TFCP2: variants seen among roughly 807,000 people sequenced by gnomAD.
TFCP2 encodes alpha-globin transcription factor CP2.
TFCP2 carries 33 observed loss-of-function variants against 73.4 expected under a neutral mutation model. That is an observed-to-expected ratio of 0.45 (90% CI 0.34 to 0.60). The LOEUF (loss-of-function observed/expected upper bound fraction) is 0.60, where lower values mean the gene tolerates loss of function less well. TFCP2 is among the 20% of genes least tolerant of loss of function. The probability of loss-of-function intolerance (pLI) is 0.01; values close to 1 mark genes in which losing one functional copy is unlikely to be tolerated. For missense variants in TFCP2, 352 were observed against 604.0 expected, an observed-to-expected ratio of 0.58 and a Z score of 4.37; for synonymous variants, 193 against 211.6, an observed-to-expected ratio of 0.91 and a Z score of 0.76.
At chr12:51,154,522 C>T (rs1004572989) in intron 1 of TFCP2, among the ~76,000 whole-genome samples, 1 of 152,116 alleles carries the variant, frequency 6.6e-6, no homozygotes, top group Admixed American at 6.6e-5. Context: ...GATAAAATCT[C>T]ATCTCTATTA....
chr12:51,096,551 C>T (rs55864652), intron 13 of TFCP2, among the ~76,000 whole-genome samples: 21,699 of 152,196 alleles, frequency 0.14, 1,864 homozygotes, highest in East Asian at 0.44. Flanking sequence ...CGAAGGTGAA[C>T]GCTAATAACT....
chr12:51,118,528 C>G, intron 2 of TFCP2, 93 bp downstream of exon 2: 1 of 1,473,706 alleles, frequency 6.8e-7, no homozygotes, highest in East Asian at 2.3e-5. Context: ...ACACTCCAGC[C>G]TGGGTGACGC....
chr12:51,130,987 C>CA (rs563635538), intron 1 of TFCP2, among the ~76,000 whole-genome samples: 16 of 136,156 alleles, frequency 1.2e-4, no homozygotes, highest in African/African-American at 2.7e-4. Flanking sequence ...GACTCCATCT[C>CA]AAAAAAAAAA....
At chr12:51,147,920 A>G (rs953875652) in intron 1 of TFCP2, among the ~76,000 whole-genome samples, 1 of 152,222 alleles carries the variant, frequency 6.6e-6, no homozygotes, top group African/African-American at 2.4e-5. Context: ...AGAATCCACA[A>G]GGAACTCAAA....
intron 1 of TFCP2, among the ~76,000 whole-genome samples, chr12:51,145,393 AAAATAC>A (rs200935807): frequency 6.9e-6 from 1 of 144,256 alleles, no homozygotes; most frequent in African/African-American, 2.5e-5. Flanking sequence ...GAAAAAAAAA[AAAATAC>A]AAATACAAAT....
chr12:51,098,637 A>T (rs1206954014), intron 13 of TFCP2, 139 bp downstream of exon 13: 5 of 993,504 alleles, frequency 5.0e-6, no homozygotes, highest in Non-Finnish European at 7.2e-6. Flanking sequence ...AAAAAAAAAA[A>T]TTAGGAGGAA....
intron 1 of TFCP2, among the ~76,000 whole-genome samples, chr12:51,152,481 T>C (rs193111215): frequency 3.9e-5 from 6 of 152,326 alleles, no homozygotes; most frequent in African/African-American, 1.2e-4. Flanking sequence ...GGTCTATAGA[T>C]TATAGCATTG....
At chr12:51,127,240 A>G (rs2136997497) in intron 1 of TFCP2, among the ~76,000 whole-genome samples, 1 of 152,336 alleles carries the variant, frequency 6.6e-6, no homozygotes, top group Non-Finnish European at 1.5e-5. Flanking sequence ...GACTCTGAGA[A>G]CAGGCTTCAA....
Position 51,098,852 on chromosome 12 carries a change from AAAAGCT to A in TFCP2, c.1337_1342del (p.Gln446_Phe448delinsLeu), listed in dbSNP as rs1303953363. The A allele has an allele frequency of 1.5e-5, 25 of 1,614,174 alleles. No individual in the cohort carries two copies. Among genetic ancestry groups the A allele is most frequent in the Admixed American group, 6.7e-5 (4 of 60,010 alleles). ...GCTGATCTGGCAAGGGGAAATGCTG[AAAAGCT>A]GAGCAATTTTTTCTGTCAATTCAAC... On this transcript the variant is annotated inframe_deletion, in exon 13 of 15. Coordinates refer to ENST00000257915, the MANE Select transcript of TFCP2 (RefSeq NM_005653.5).
chr12:51,170,630 T>C (rs1302491528), intron 1 of TFCP2, among the ~76,000 whole-genome samples: 1 of 152,120 alleles, frequency 6.6e-6, no homozygotes, highest in East Asian at 1.9e-4. Context: ...AATAATAGTC[T>C]TTATTATTCT....
intron 1 of TFCP2, among the ~76,000 whole-genome samples, chr12:51,138,171 G>A (rs1049463767): frequency 6.6e-6 from 1 of 152,022 alleles, no homozygotes; most frequent in Non-Finnish European, 1.5e-5. Context: ...AGATGGAGTA[G>A]CACTCTGTCG....
intron 1 of TFCP2, among the ~76,000 whole-genome samples, chr12:51,165,997 G>A (rs1335957627): frequency 6.9e-6 from 1 of 144,642 alleles, no homozygotes; most frequent in Non-Finnish European, 1.5e-5. Context: ...GGGCAACAGA[G>A]TGAGACCCCA....
chr12:51,101,905 C>A (rs768949930), intron 11 of TFCP2, 30 bp downstream of exon 11: 1 of 1,449,164 alleles, frequency 6.9e-7, no homozygotes, highest in Admixed American at 1.7e-5. Flanking sequence ...GAATCCCAAC[C>A]TTATTGATAT....
Position 51,133,122 on chromosome 12 carries a change from T to C in TFCP2, c.123-14350A>G, listed in dbSNP as rs552710079. On this transcript the variant is annotated intron_variant, in intron 1 of 14. Transcript: ENST00000257915. Reference sequence around the variant, plus strand: ...AGGAAAATATTAAGTCAACCTTAATTAGAACAGTTCTACTAAAAAAAGAAA... The same window carrying C: ...AGGAAAATATTAAGTCAACCTTAATCAGAACAGTTCTACTAAAAAAAGAAA... Among the ~76,000 whole-genome samples, 24 of 152,058 alleles carry C rather than the reference T, an allele frequency of 1.6e-4. No homozygotes were observed. The East Asian group carries it at 4.4e-3, about 28-fold the overall frequency.
chr12:51,170,103 T>C (rs1941829797), intron 1 of TFCP2, among the ~76,000 whole-genome samples: 1 of 152,210 alleles, frequency 6.6e-6, no homozygotes, highest in Non-Finnish European at 1.5e-5. Flanking sequence ...AATTGTCAAA[T>C]ATTATGTCAG....
chr12:51,164,199 C>T (rs1486511862), intron 1 of TFCP2, among the ~76,000 whole-genome samples: 1 of 152,002 alleles, frequency 6.6e-6, no homozygotes, highest in African/African-American at 2.4e-5. Flanking sequence ...AGCACGGCCC[C>T]ATTTCTCAAA....
chr12:51,172,528 T>A lies in TFCP2; in HGVS notation c.-106A>T. Reference sequence around the variant, plus strand: ...AAACCAAGAAAACTACAAACCAAGGTTTCCCACGCAGTGCCCACCAGCCAC... The same window carrying A: ...AAACCAAGAAAACTACAAACCAAGGATTCCCACGCAGTGCCCACCAGCCAC... On this transcript the variant is annotated 5_prime_UTR_variant, in exon 1 of 15. Coordinates refer to ENST00000257915, the MANE Select transcript of TFCP2 (RefSeq NM_005653.5). 1.3e-6 allele frequency: 2 copies of A among 1,520,930 alleles called. No homozygotes were observed. Among genetic ancestry groups the A allele is most frequent in the African/African-American group, 2.7e-5 (2 of 73,072 alleles). 94.2% of individuals were successfully genotyped at this position (1,520,930 alleles called of 1,614,324 possible).
chr12:51,125,091 G>A, intron 1 of TFCP2: 1 of 755,220 alleles, frequency 1.3e-6, no homozygotes, highest in Non-Finnish European at 2.5e-6. Context: ...TCCGATGCTG[G>A]TGAAGATGCG....
intron 1 of TFCP2, among the ~76,000 whole-genome samples, chr12:51,146,438 A>G (rs930547793): frequency 6.8e-6 from 1 of 147,734 alleles, no homozygotes; most frequent in African/African-American, 2.5e-5. Context: ...TCAGTGGCCC[A>G]CAAACATATG....
Sources: gnomAD v4.1 joint callset for allele counts (sites outside exome capture counted in the v4.1 genomes callset) on GRCh38, gnomAD v4.1.1 for gene constraint, MANE v1.5 for transcripts, NCBI Gene and HGNC (gene_info 2026-07-23, HGNC 2026-07-21) for gene names.